Variants in LTBP1 observed in about 807,000 individuals in gnomAD.
The protein encoded by LTBP1 is latent-transforming growth factor beta-binding protein 1.
In LTBP1, 129 loss-of-function variants were observed where a neutral mutation model predicts 207.6. That is an observed-to-expected ratio of 0.62 (90% CI 0.54 to 0.72). LTBP1 has a LOEUF of 0.72. Ranked by LOEUF, LTBP1 falls within the 30% of genes least tolerant of loss-of-function variation. The pLI is 0.00. For missense variants in LTBP1, 2,281 were observed against 2,217.2 expected, an observed-to-expected ratio of 1.03 and a Z score of -0.58; for synonymous variants, 963 against 833.7, an observed-to-expected ratio of 1.16 and a Z score of -2.67.
rs78742298 is a variant in LTBP1, at chr2:33,192,283, C to T, written c.1701+3432C>T. Among the ~76,000 whole-genome samples, 1,164 of 152,198 alleles carry T rather than the reference C, an allele frequency of 7.6e-3. 17 individuals carry two copies. Among genetic ancestry groups the T allele is most frequent in the Middle Eastern group, 0.037 (11 of 294 alleles). ...CCCTTTGACTAAGTGATCAACTCAG[C>T]GTCATTAATAGTGGGGCAGCCTGAC... On this transcript the variant is annotated intron_variant, in intron 7 of 33. Coordinates refer to ENST00000404816, the MANE Select transcript of LTBP1 (RefSeq NM_206943.4).
chr2:33,004,553 G>A (rs1162973535), intron 2 of LTBP1, among the ~76,000 whole-genome samples: 1 of 151,502 alleles, frequency 6.6e-6, no homozygotes, highest in Non-Finnish European at 1.5e-5. Context: ...TCAGCACTTT[G>A]GGAGGCTCAG....
chr2:33,355,370 C>A (rs1010903851), intron 26 of LTBP1, among the ~76,000 whole-genome samples: 1 of 151,978 alleles, frequency 6.6e-6, no homozygotes, highest in African/African-American at 2.4e-5. Flanking sequence ...TACAACACGG[C>A]GTAGTATTTA....
chr2:33,222,478 G>T (rs963488312), intron 9 of LTBP1, among the ~76,000 whole-genome samples: 1 of 152,182 alleles, frequency 6.6e-6, no homozygotes, highest in African/African-American at 2.4e-5. Context: ...ACATGTGCTT[G>T]CAGGCACCCA....
chr2:33,266,394 C>T (rs2093177441), intron 15 of LTBP1, among the ~76,000 whole-genome samples: 1 of 152,136 alleles, frequency 6.6e-6, no homozygotes, highest in Admixed American at 6.6e-5. Context: ...TGGAGGGAGG[C>T]AGACAGGTTC....
chr2:32,986,552 A>G (rs996521260), intron 2 of LTBP1, among the ~76,000 whole-genome samples: 2 of 152,206 alleles, frequency 1.3e-5, no homozygotes, highest in Non-Finnish European at 2.9e-5. Context: ...TGCACAAGGA[A>G]GATGTGGGAT....
At chr2:33,257,647 T>C (rs1573469249) in intron 12 of LTBP1, 136 bp downstream of exon 12, 14 of 689,154 alleles carry the variant, frequency 2.0e-5, no homozygotes, top group Middle Eastern at 4.1e-4. Flanking sequence ...AATTATTTGA[T>C]TGGGGGCTGC....
intron 9 of LTBP1, among the ~76,000 whole-genome samples, chr2:33,241,816 G>A (rs564642540): frequency 5.9e-5 from 9 of 152,254 alleles, no homozygotes; most frequent in African/African-American, 1.9e-4. Flanking sequence ...AACTGGACTT[G>A]GCACTCTTCC....
chr2:33,361,462 G>A lies in LTBP1; in HGVS notation c.4217G>A (p.Gly1406Asp), dbSNP rs775927897. 1.2e-6 allele frequency: 2 copies of A among 1,612,940 alleles called. No individual in the cohort carries two copies. Among genetic ancestry groups the A allele is most frequent in the Non-Finnish European group, 1.7e-6 (2 of 1,179,448 alleles). The change falls in exon 28 of 34, where the codon GGT (glycine) becomes GAT (aspartate). Residue 1406 changes from glycine (G) to aspartate (D), a missense_variant. Physicochemically the swap from Gly to Asp is moderately conservative, Grantham distance 94. This residue lies in a region of LTBP1 where 1,671 missense variants were observed against 1,634.8 expected (regional missense o/e 1.02). Coordinates refer to ENST00000404816, the MANE Select transcript of LTBP1 (RefSeq NM_206943.4). ...EFTEMCPKGK[G>D]FVPAGESSSE... is the part of the protein sequence containing the mutation. ...ACTGAAATGTGTCCCAAAGGGAAAG[G>A]TTTTGTGCCTGCTGGAGAATCATCT... is the stretch of plus-strand genomic sequence containing the variant.
At chr2:33,031,959 G>C (rs1217734307) in intron 3 of LTBP1, among the ~76,000 whole-genome samples, 1 of 152,154 alleles carries the variant, frequency 6.6e-6, no homozygotes, top group Non-Finnish European at 1.5e-5. Flanking sequence ...ATGAGAGAGA[G>C]GGAGGCCTAG....
chr2:33,110,554 T>A, intron 3 of LTBP1, 28 bp from the exon 4 acceptor site: 4 of 1,600,462 alleles, frequency 2.5e-6, no homozygotes. Context: ...ATTATTTAAT[T>A]CCTTCTCTTT....
At chr2:33,345,132 A>G (rs1440717024) in intron 25 of LTBP1, among the ~76,000 whole-genome samples, 1 of 152,200 alleles carries the variant, frequency 6.6e-6, no homozygotes, top group Non-Finnish European at 1.5e-5. Context: ...AGCTACAGGG[A>G]TGAGTGAGCA....
intron 5 of LTBP1, among the ~76,000 whole-genome samples, chr2:33,161,814 G>A (rs912960820): frequency 7.9e-5 from 12 of 152,116 alleles, no homozygotes; most frequent in African/African-American, 2.9e-4. Context: ...ATTCATGATC[G>A]CTTTTATTGA....
chr2:33,384,348 T>TACAA (rs2095247426), intron 31 of LTBP1, among the ~76,000 whole-genome samples: 1 of 152,326 alleles, frequency 6.6e-6, no homozygotes, highest in African/African-American at 2.4e-5. Flanking sequence ...CTTTCATAGC[T>TACAA]TTGATCAAGA....
At chr2:33,374,321 C>T (rs1350540740) in intron 31 of LTBP1, among the ~76,000 whole-genome samples, 1 of 152,172 alleles carries the variant, frequency 6.6e-6, no homozygotes, top group Non-Finnish European at 1.5e-5. Context: ...TGTGACATTG[C>T]ACTGGGCACA....
At chr2:33,302,235 C>G (rs2094000277) in intron 22 of LTBP1, among the ~76,000 whole-genome samples, 1 of 152,194 alleles carries the variant, frequency 6.6e-6, no homozygotes, top group Non-Finnish European at 1.5e-5. Flanking sequence ...TACCACCGGT[C>G]TGTCACTTGT....
chr2:33,235,005 C>G (rs542106618), intron 9 of LTBP1, among the ~76,000 whole-genome samples: 4 of 152,144 alleles, frequency 2.6e-5, no homozygotes, highest in Non-Finnish European at 5.9e-5. Flanking sequence ...GACTTCATGA[C>G]TAAAACACCA....
At chr2:32,958,372 G>C (rs1056751285) in intron 2 of LTBP1, among the ~76,000 whole-genome samples, 4 of 152,180 alleles carry the variant, frequency 2.6e-5, no homozygotes, top group Admixed American at 2.6e-4. Context: ...TTCCTCCTGG[G>C]TACCACTGCT....
chr2:33,200,037 A>T (rs976005426), intron 7 of LTBP1, among the ~76,000 whole-genome samples: 13 of 152,186 alleles, frequency 8.5e-5, no homozygotes, highest in African/African-American at 3.1e-4. Context: ...TATCGTGAAA[A>T]TGGCCATACT....
intron 4 of LTBP1, among the ~76,000 whole-genome samples, chr2:33,124,761 A>G (rs1049171004): frequency 3.3e-5 from 5 of 152,226 alleles, no homozygotes; most frequent in Admixed American, 2.6e-4. Context: ...TTTGATTTGC[A>G]TAGAGTTTTA....
Sources: gnomAD v4.1 joint callset for allele counts (sites outside exome capture counted in the v4.1 genomes callset) on GRCh38, gnomAD v4.1.1 for gene constraint, gnomAD v4.1.1 regional missense constraint, MANE v1.5 for transcripts, NCBI Gene and HGNC (gene_info 2026-07-23, HGNC 2026-07-21) for gene names.